The following PADI4 variants were observed in gnomAD, a reference collection of about 807,000 sequenced individuals.
PADI4 encodes peptidyl arginine deiminase 4.
Under a neutral mutation model 75.0 loss-of-function variants are expected in PADI4, and 62 were observed. The observed-to-expected ratio is 0.83, with a 90% CI of 0.67 to 1.02. The LOEUF (loss-of-function observed/expected upper bound fraction) is 1.02. PADI4 is among the 50% of genes least tolerant of loss of function. The pLI, the probability that PADI4 is intolerant of heterozygous loss-of-function variation, is 0.00. For missense variants in PADI4, 845 were observed against 850.5 expected (o/e 0.99, Z 0.08); for synonymous variants, 361 against 348.1 (o/e 1.04, Z -0.41).
At position 17,346,941 on chromosome 1, in the gene PADI4, T is replaced by C. The variant is rs534532218; in HGVS notation, c.1047+802T>C. On this transcript the variant is annotated intron_variant, in intron 9 of 15. Transcript: ENST00000375448. The surrounding 1 kb of genome is among the most constrained non-coding windows in gnomAD (Gnocchi z 4.3). ...ACATCCTTTCTTCCTTTCTTGCCAT[T>C]CCATCTTTTCTTTTCTTTTTTTTTT... Among the ~76,000 whole-genome samples the C allele has an allele frequency of 6.6e-6, 1 of 151,800 alleles. No individual in the cohort carries two copies. Among genetic ancestry groups the C allele is most frequent in the East Asian group, 1.9e-4 (1 of 5,166 alleles).
intron 4 of PADI4, among the ~76,000 whole-genome samples, chr1:17,337,209 A>C (rs1557558839): frequency 6.6e-6 from 1 of 152,174 alleles, no homozygotes; most frequent in Non-Finnish European, 1.5e-5. Flanking sequence ...GCTGGAGTGC[A>C]GGGGCGGTTC....
intron 1 of PADI4, among the ~76,000 whole-genome samples, chr1:17,321,929 A>G (rs996295792): frequency 2.6e-5 from 4 of 152,228 alleles, no homozygotes; most frequent in Non-Finnish European, 5.9e-5. Flanking sequence ...TGGGTGGATA[A>G]GAGACAAACA....
At chr1:17,339,432 C>A (rs2074374734) in intron 5 of PADI4, among the ~76,000 whole-genome samples, 1 of 152,180 alleles carries the variant, frequency 6.6e-6, no homozygotes, top group Non-Finnish European at 1.5e-5. Context: ...TAAATGTGGT[C>A]CCCGCTTTGC....
At chr1:17,337,820 C>T (rs1487621861) in intron 4 of PADI4, among the ~76,000 whole-genome samples, 1 of 152,102 alleles carries the variant, frequency 6.6e-6, no homozygotes, top group South Asian at 2.1e-4. Context: ...GAGGCTGAGG[C>T]AGGAGAATCA....
At position 17,346,177 on chromosome 1, in the gene PADI4, G is replaced by A. The variant is rs754563935; in HGVS notation, c.1047+38G>A. ...CGGGGCAGGCAGGGTGACTGTCCCT[G>A]AGGGCCAAGAGACACTTGGGGGACC... On this transcript the variant is annotated intron_variant, in intron 9 of 15. Coordinates refer to ENST00000375448, the MANE Select transcript of PADI4 (RefSeq NM_012387.3). This position sits in a 1 kb window ranked among gnomAD's most constrained non-coding sequence, Gnocchi z 4.3. 3 of 1,368,590 alleles carry A rather than the reference G, an allele frequency of 2.2e-6. No homozygotes were observed. The highest frequency in any genetic ancestry group is 3.1e-6 in the Non-Finnish European group (3 of 959,820). 84.8% of individuals were successfully genotyped at this position (1,368,590 alleles called of 1,614,324 possible).
chr1:17,359,769 A>G (rs2074823281), intron 15 of PADI4, among the ~76,000 whole-genome samples: 1 of 152,238 alleles, frequency 6.6e-6, no homozygotes, highest in Non-Finnish European at 1.5e-5. Flanking sequence ...AATGTTACAG[A>G]TGAAACATTC....
rs759667200 is a variant in PADI4 at position 17,338,140 on chromosome 1, G to C, written c.511G>C (p.Val171Leu). 20 of 1,608,162 alleles carry C rather than the reference G, an allele frequency of 1.2e-5. No homozygotes were observed. The highest frequency in any genetic ancestry group is 1.7e-5 in the Non-Finnish European group (20 of 1,174,918). Residue 171 changes from valine to leucine, a missense_variant, in exon 5 of 16, where the codon GTG becomes CTG. Transcript: ENST00000375448. ...SSAMDCEDDE[V>L]LDSEDLQDMS... ...TGCCATGGACTGCGAGGATGATGAA[G>C]TGCTTGACAGCGAAGGTAAAGAGCA...
chr1:17,332,127 C>T (rs2074224209), intron 2 of PADI4, among the ~76,000 whole-genome samples: 1 of 152,136 alleles, frequency 6.6e-6, no homozygotes, highest in Admixed American at 6.5e-5. Flanking sequence ...AGTCTGCTTC[C>T]ATGGTCGCAC....
chr1:17,351,720 C>T (rs1052555606), intron 10 of PADI4, among the ~76,000 whole-genome samples: 4 of 151,466 alleles, frequency 2.6e-5, no homozygotes, highest in Non-Finnish European at 5.9e-5. Flanking sequence ...AGCGAGTTGG[C>T]CATGTGAGTG....
In PADI4 at chr1:17,331,124, C is replaced by T. The variant is rs760231903; in HGVS notation, c.248C>T (p.Ala83Val). 1.9e-5 allele frequency: 30 copies of T among 1,610,794 alleles called. No individual in the cohort carries two copies. The highest frequency in any genetic ancestry group is 2.5e-5 in the Non-Finnish European group (29 of 1,178,680). ...GAGGTGACCCTGACGATGAAAGTGG[C>T]CAGTGGTAGCACAGGCGACCAGAAG... is the stretch of plus-strand genomic sequence containing the variant. ...GVEVTLTMKV[A>V]SGSTGDQKVQ... Residue 83 changes from alanine to valine, a missense_variant, in exon 2 of 16, where the codon GCC (alanine) becomes GTC (valine). Physicochemically the swap from Ala to Val is moderately conservative, Grantham distance 64. Coordinates refer to ENST00000375448, the MANE Select transcript of PADI4 (RefSeq NM_012387.3).
At chr1:17,348,120 T>A in intron 10 of PADI4, 72 bp downstream of exon 10, 1 of 969,990 alleles carries the variant, frequency 1.0e-6, no homozygotes, top group Non-Finnish European at 1.6e-6. Context: ...CCTTTTAGCC[T>A]GCCTTCCCCG....
intron 1 of PADI4, among the ~76,000 whole-genome samples, chr1:17,322,237 C>G (rs780803314): frequency 5.3e-5 from 8 of 152,164 alleles, no homozygotes; most frequent in African/African-American, 9.7e-5. Flanking sequence ...CCTGTAATCC[C>G]AACACTTTGG....
intron 3 of PADI4, among the ~76,000 whole-genome samples, chr1:17,335,079 A>T (rs933342672): frequency 1.3e-5 from 2 of 152,102 alleles, no homozygotes; most frequent in African/African-American, 4.8e-5. Flanking sequence ...GAAGGTCAAG[A>T]CTACATGATT....
chr1:17,317,818 C>T (rs940409078), intron 1 of PADI4, among the ~76,000 whole-genome samples: 12 of 152,004 alleles, frequency 7.9e-5, no homozygotes, highest in Non-Finnish European at 4.4e-5. Context: ...GCCAGGAGTT[C>T]GAGACCAGCC....
chr1:17,335,146 A>AAT (rs1190255910), intron 3 of PADI4, among the ~76,000 whole-genome samples: 2 of 121,236 alleles, frequency 1.6e-5, no homozygotes, highest in African/African-American at 5.8e-5. Flanking sequence ...AAAACTAAAA[A>AAT]ATATATATAT....
chr1:17,339,952 C>T, intron 6 of PADI4, 139 bp downstream of exon 6: 2 of 853,942 alleles, frequency 2.3e-6, no homozygotes, highest in Non-Finnish European at 3.6e-6. Flanking sequence ...GTGGGCAAGA[C>T]AGACGACATC....
At chr1:17,316,690 AAAATAAAT>A (rs1553142312) in intron 1 of PADI4, among the ~76,000 whole-genome samples, 14 of 122,500 alleles carry the variant, frequency 1.1e-4, no homozygotes, top group African/African-American at 4.3e-4. Context: ...ACTCCGTCTC[AAAATAAAT>A]AAATAAATAA....
chr1:17,347,403 G>A (rs1050230996), intron 9 of PADI4, among the ~76,000 whole-genome samples: 3 of 152,064 alleles, frequency 2.0e-5, no homozygotes, highest in Admixed American at 6.5e-5. Context: ...CTGCGGAGGC[G>A]GAATTTTCAG....
rs912885125 is a variant in PADI4, at chr1:17,355,843, T to C, written c.1311-140T>C. On this transcript the variant is annotated intron_variant, in intron 11 of 15. Coordinates refer to ENST00000375448, the MANE Select transcript of PADI4 (RefSeq NM_012387.3). ...CCTTGATTTCTCAAATGTTAGGGGA[T>C]AAAATAAAGGCATTCTAGACTCCTG... The C allele has an allele frequency of 5.2e-6, 4 of 771,976 alleles. No homozygotes were observed. In the Admixed American group the frequency reaches 6.6e-5, roughly 13 times the overall value. 47.8% of individuals were successfully genotyped at this position (771,976 alleles called of 1,614,324 possible).
Sources: gnomAD v4.1 joint callset for allele counts (sites outside exome capture counted in the v4.1 genomes callset) on GRCh38, gnomAD v4.1.1 for gene constraint, Gnocchi (gnomAD v3.1) non-coding constraint, MANE v1.5 for transcripts, NCBI Gene and HGNC (gene_info 2026-07-23, HGNC 2026-07-21) for gene names.